EHF: variants seen among roughly 807,000 people sequenced by gnomAD.
EHF encodes the protein ESE3 transcription factor.
Under a neutral mutation model 45.1 loss-of-function variants are expected in EHF, and 14 were observed. That is an observed-to-expected ratio of 0.31 (90% confidence interval 0.21 to 0.49). The LOEUF is 0.49. Among genes scored for constraint, EHF ranks in the 20% least tolerant of loss-of-function variants. The pLI, the probability that EHF is intolerant of heterozygous loss-of-function variation, is 0.99. For synonymous variants in EHF, 136 were observed against 131.8 expected, an observed-to-expected ratio of 1.03 and a Z score of -0.22; for missense variants, 282 against 371.4, an observed-to-expected ratio of 0.76 and a Z score of 1.98.
intron 1 of EHF, among the ~76,000 whole-genome samples, chr11:34,630,144 C>A (rs929294025): frequency 1.3e-5 from 2 of 152,226 alleles, no homozygotes; most frequent in African/African-American, 4.8e-5. Flanking sequence ...AGGATCTCAA[C>A]TTTGAAATTA....
chr11:34,631,407 T>C (rs1446716260), intron 1 of EHF: 1 of 174,838 alleles, frequency 5.7e-6, no homozygotes, highest in Non-Finnish European at 1.1e-5. Flanking sequence ...TTAATTAATG[T>C]TGTTCATGAT....
intron 1 of EHF, among the ~76,000 whole-genome samples, chr11:34,639,958 G>A (rs918878954): frequency 1.3e-5 from 2 of 152,180 alleles, no homozygotes; most frequent in Admixed American, 6.5e-5. Context: ...GAGGAGAGGG[G>A]CTTGTGGGCA....
In EHF at chr11:34,658,366, A is replaced by G. The variant is rs1855852469; in HGVS notation, c.608-167A>G. On this transcript the variant is annotated intron_variant, in intron 7 of 8. Coordinates refer to ENST00000257831, the MANE Select transcript of EHF (RefSeq NM_012153.6). ...ATATTGTGCTAGTTTATTCTTAAAT[A>G]CCTTTTTAATGTCCAACATCTGGTG... is the stretch of plus-strand genomic sequence containing the variant. Among the ~76,000 whole-genome samples, 3 of 152,090 alleles carry G rather than the reference A, an allele frequency of 2.0e-5. No homozygotes were observed. In the South Asian group the frequency reaches 6.2e-4, roughly 32 times the overall value.
intron 7 of EHF, 47 bp downstream of exon 7, chr11:34,657,017 C>A (rs780356357): frequency 6.2e-6 from 10 of 1,607,234 alleles, no homozygotes; most frequent in Non-Finnish European, 8.5e-6. Flanking sequence ...CCCATCACAT[C>A]GGGCACATCT....
At chr11:34,653,399 G>T (rs1459862356) in intron 6 of EHF, among the ~76,000 whole-genome samples, 1 of 152,166 alleles carries the variant, frequency 6.6e-6, no homozygotes, top group Non-Finnish European at 1.5e-5. Flanking sequence ...ATCAATAGGG[G>T]CCTTAGAGGC....
chr11:34,630,950 G>C (rs1157942042), intron 1 of EHF, among the ~76,000 whole-genome samples: 1 of 152,164 alleles, frequency 6.6e-6, no homozygotes, highest in African/African-American at 2.4e-5. Context: ...CTGGGGCAAG[G>C]TGTTTGTCTG....
chr11:34,629,147 A>T (rs951309627), intron 1 of EHF, among the ~76,000 whole-genome samples: 5 of 152,034 alleles, frequency 3.3e-5, no homozygotes, highest in Non-Finnish European at 2.9e-5. Flanking sequence ...AGGAGGGAGG[A>T]TGTCGTTTTT....
chr11:34,650,458 A>T (rs1855036972), intron 4 of EHF, among the ~76,000 whole-genome samples: 1 of 152,204 alleles, frequency 6.6e-6, no homozygotes, highest in South Asian at 2.1e-4. Context: ...AATACCGGCT[A>T]AATCCCTATG....
intron 4 of EHF, among the ~76,000 whole-genome samples, chr11:34,650,938 TC>T (rs1233246082): frequency 6.6e-6 from 1 of 152,114 alleles, no homozygotes; most frequent in Non-Finnish European, 1.5e-5. Context: ...GTCCACCCCT[TC>T]TCCTTGGTTT....
chr11:34,659,717 G>C lies in EHF; in HGVS notation c.*786G>C, dbSNP rs1320172782. On this transcript the variant is annotated 3_prime_UTR_variant, in exon 9 of 9. Coordinates refer to ENST00000257831, the MANE Select transcript of EHF (RefSeq NM_012153.6). ...AGCTTGGTTCTTTTTTGCTCCAAGTGCTTAAAAATAAGTTGGAAAAAGGAG... is the reference window on the plus strand; with the variant it reads ...AGCTTGGTTCTTTTTTGCTCCAAGTCCTTAAAAATAAGTTGGAAAAAGGAG... 2 of 152,084 alleles carry C rather than the reference G, an allele frequency of 1.3e-5. No individual in the cohort carries two copies. Among genetic ancestry groups the C allele is most frequent in the African/African-American group, 4.8e-5 (2 of 41,428 alleles). The allele number at this position is 152,084 out of a possible 1,614,324, so 9.4% of individuals were successfully genotyped here. A position where few individuals can be genotyped will look rare whatever the true frequency, so the allele number is the denominator to read the frequency against.
chr11:34,653,712 G>A (rs1161327416), intron 6 of EHF, among the ~76,000 whole-genome samples: 1 of 152,200 alleles, frequency 6.6e-6, no homozygotes, highest in East Asian at 1.9e-4. Flanking sequence ...TTTCAGAATA[G>A]TTTATAGTCT....
At position 34,647,555 on chromosome 11, in the gene EHF, T is replaced by C. The variant is rs76352352; in HGVS notation, c.343+871T>C. Reference sequence around the variant, plus strand: ...TGAGAACTATGGGCATCCTGAAAAGTAGCAATATTTAAGAACAGGGAGTTG... The same window carrying C: ...TGAGAACTATGGGCATCCTGAAAAGCAGCAATATTTAAGAACAGGGAGTTG... On this transcript the variant is annotated intron_variant, in intron 3 of 8. Transcript: ENST00000257831. Among the ~76,000 whole-genome samples, 898 of 152,324 alleles carry C rather than the reference T, an allele frequency of 5.9e-3. 11 individuals carry two copies. The highest frequency in any genetic ancestry group is 0.02 in the African/African-American group (836 of 41,566).
At chr11:34,622,493 GGGGT>G in intron 1 of EHF, 3 of 817,404 alleles carry the variant, frequency 3.7e-6, no homozygotes, top group Non-Finnish European at 5.0e-6. Context: ...TAATTCCACT[GGGGT>G]CAGGGGAAAA....
At chr11:34,649,939 C>T (rs1219557287) in intron 4 of EHF, among the ~76,000 whole-genome samples, 1 of 152,242 alleles carries the variant, frequency 6.6e-6, no homozygotes, top group Non-Finnish European at 1.5e-5. Flanking sequence ...TTTACCCTTT[C>T]ATAAGTGGGC....
Position 34,658,839 on chromosome 11 carries a change from T to C in EHF, c.811T>C (p.Tyr271His). The stretch of plus-strand genomic sequence containing the variant: ...CAATCTCCTTTGTTACAGATATTAC[T>C]ACAAAAGAGAAATTCTGGAGCGTGT... ...EKLSRAMRYY[Y>H]KREILERVDG... The change falls in exon 9 of 9, where the codon TAC becomes CAC. Residue 271 changes from tyrosine to histidine, a missense_variant. Transcript: ENST00000257831. 1 of 1,611,680 alleles carries C rather than the reference T, an allele frequency of 6.2e-7. No individual in the cohort carries two copies. Among genetic ancestry groups the C allele is most frequent in the Non-Finnish European group, 8.5e-7 (1 of 1,179,234 alleles).
At chr11:34,641,263 T>G (rs10836268) in intron 1 of EHF, among the ~76,000 whole-genome samples, 1 of 152,090 alleles carries the variant, frequency 6.6e-6, no homozygotes, top group African/African-American at 2.4e-5. Context: ...ATCATACATG[T>G]TTGTGTGTAG....
chr11:34,649,742 A>G (rs1854959993), intron 4 of EHF, among the ~76,000 whole-genome samples: 1 of 152,194 alleles, frequency 6.6e-6, no homozygotes, highest in Non-Finnish European at 1.5e-5. Flanking sequence ...ATGAGCCATC[A>G]TAAAACTGTG....
intron 6 of EHF, among the ~76,000 whole-genome samples, chr11:34,653,037 T>C (rs1045061571): frequency 6.6e-6 from 1 of 152,212 alleles, no homozygotes; most frequent in African/African-American, 2.4e-5. Context: ...AAAATTTCTG[T>C]GGCAATCATT....
intron 1 of EHF, among the ~76,000 whole-genome samples, chr11:34,640,156 G>A (rs1365976174): frequency 2.0e-5 from 3 of 152,070 alleles, no homozygotes; most frequent in African/African-American, 4.8e-5. Flanking sequence ...CGGCTAGACA[G>A]ATTTGGCACT....
Sources: gnomAD v4.1 joint callset for allele counts (sites outside exome capture counted in the v4.1 genomes callset) on GRCh38, gnomAD v4.1.1 for gene constraint, MANE v1.5 for transcripts, NCBI Gene and HGNC (gene_info 2026-07-23, HGNC 2026-07-21) for gene names.